Variants in ZNF799 observed in about 807,000 individuals in gnomAD.
ZNF799 encodes the protein zinc finger protein 799.
Under a neutral mutation model 41.0 loss-of-function variants are expected in ZNF799, and 28 were observed. The observed-to-expected ratio is 0.68, with a 90% confidence interval of 0.51 to 0.94. ZNF799 has a LOEUF of 0.94. ZNF799 is among the 40% of genes least tolerant of loss of function. ZNF799 has a pLI of 0.00. For missense variants in ZNF799, 716 were observed against 764.3 expected, an observed-to-expected ratio of 0.94 and a Z score of 0.74; for synonymous variants, 213 against 252.9, an observed-to-expected ratio of 0.84 and a Z score of 1.50.
At chr19:12,408,979 G>C in the ZNF799 span, among the ~76,000 whole-genome samples, 4 of 151,828 alleles carry the variant, frequency 2.6e-5, no homozygotes, top group African/African-American at 9.7e-5. Flanking sequence ...AGGTTGCAGT[G>C]AGCCGAGATC....
the ZNF799 span, among the ~76,000 whole-genome samples, chr19:12,407,400 C>T: frequency 6.6e-6 from 1 of 150,650 alleles, no homozygotes; most frequent in South Asian, 2.1e-4. Flanking sequence ...GAGATGGAGG[C>T]TGCAGTTAGC....
At chr19:12,405,294 G>C (rs1970022116), upstream of ZNF799, among the ~76,000 whole-genome samples, 1 of 151,974 alleles carries the variant, frequency 6.6e-6, no homozygotes, top group Non-Finnish European at 1.5e-5. Context: ...AATCCTGGGG[G>C]AAAAAAGTTG....
intron 1 of ZNF799, among the ~76,000 whole-genome samples, chr19:12,397,326 A>C (rs1301851627): frequency 6.6e-6 from 1 of 152,042 alleles, no homozygotes; most frequent in Non-Finnish European, 1.5e-5. Flanking sequence ...GATGCAAGAC[A>C]GGAGGACTGC....
rs186044322 is a variant in ZNF799 at position 12,399,043 on chromosome 19, A to C, written c.3+2025T>G. 1.1e-3 allele frequency among the ~76,000 whole-genome samples: 160 copies of C among 152,350 alleles called. 1 individual carries two copies. The Middle Eastern group carries it at 0.024, about 23-fold the overall frequency. On this transcript the variant is annotated intron_variant, in intron 1 of 3. Transcript: ENST00000430385. ...CCAACTTTGGGTATACTTTGTCTTC[A>C]AAGTATACAATAACAATCTCTAATC...
chr19:12,410,350 T>A, the ZNF799 span, among the ~76,000 whole-genome samples: 6 of 149,234 alleles, frequency 4.0e-5, no homozygotes, highest in East Asian at 1.2e-3. Flanking sequence ...CCCAGGCTGG[T>A]CTCAAATTCC....
intron 1 of ZNF799, among the ~76,000 whole-genome samples, chr19:12,399,479 T>C (rs1053464885): frequency 6.6e-6 from 1 of 150,464 alleles, no homozygotes; most frequent in Non-Finnish European, 1.5e-5. Context: ...GTCCCAGGAG[T>C]TAGCTTTTTA....
chr19:12,405,218 T>C (rs1156362818), upstream of ZNF799, among the ~76,000 whole-genome samples: 3 of 149,730 alleles, frequency 2.0e-5, no homozygotes, highest in Non-Finnish European at 4.4e-5. Flanking sequence ...TAAACTCCCA[T>C]TTATATATAT....
the ZNF799 span, among the ~76,000 whole-genome samples, chr19:12,406,608 T>G: frequency 1.4e-5 from 2 of 147,614 alleles, no homozygotes; most frequent in African/African-American, 5.0e-5. Flanking sequence ...TAATATTAAT[T>G]AAAAAGTAGA....
chr19:12,393,805 A>G, intron 1 of ZNF799: 1 of 1,059,958 alleles, frequency 9.4e-7, no homozygotes, highest in Non-Finnish European at 1.2e-6. Flanking sequence ...GTCCTTACAA[A>G]TGCTTTTTCA....
chr19:12,390,482 T>C lies in ZNF799; in HGVS notation c.1916A>G (p.His639Arg), dbSNP rs1181111502. ...GAGAGAATGCTAGTGAGTCTTTTTA[T>C]GTCTATGCAAGGAACTGAGAGAAGC... Reference protein sequence around the residue: ...AFASLSSLHRHKKTH With the variant: ...AFASLSSLHRRKKTH Residue 639 changes from histidine (H) to arginine (R), a missense_variant, in exon 4 of 4, where the codon CAT becomes CGT. Physicochemically the swap from His to Arg is conservative, Grantham distance 29. Transcript: ENST00000430385. The C allele has an allele frequency of 1.9e-6, 3 of 1,613,986 alleles. No individual in the cohort carries two copies. Among genetic ancestry groups the C allele is most frequent in the Non-Finnish European group, 2.5e-6 (3 of 1,179,862 alleles).
At chr19:12,398,553 G>A (rs753141047) in intron 1 of ZNF799, among the ~76,000 whole-genome samples, 2 of 152,150 alleles carry the variant, frequency 1.3e-5, no homozygotes, top group Non-Finnish European at 2.9e-5. Flanking sequence ...ATGATAGTAA[G>A]TGATACAGTT....
the ZNF799 span, among the ~76,000 whole-genome samples, chr19:12,406,914 T>A: frequency 1.1e-4 from 16 of 151,584 alleles, no homozygotes; most frequent in African/African-American, 3.9e-4. Context: ...AAAATAAAAT[T>A]AAATTAAAAA....
At position 12,396,250 on chromosome 19, in the gene ZNF799, G is replaced by A. The variant is rs1234376428; in HGVS notation, c.4-2827C>T. ...GACACTGCACTCACTGAATAAAAAC[G>A]TTAAAACAACTATCTTAAATATGTT... On this transcript the variant is annotated intron_variant, in intron 1 of 3. Coordinates refer to ENST00000430385, the MANE Select transcript of ZNF799 (RefSeq NM_001080821.3). 5.9e-5 allele frequency among the ~76,000 whole-genome samples: 9 copies of A among 152,298 alleles called. No individual in the cohort carries two copies. The East Asian group carries it at 9.7e-4, about 16-fold the overall frequency.
At chr19:12,400,976 C>T in intron 1 of ZNF799, 92 bp downstream of exon 1, 1 of 1,609,828 alleles carries the variant, frequency 6.2e-7, no homozygotes, top group Non-Finnish European at 8.5e-7. Context: ...CCCGGAGTAG[C>T]CCTTGGGGAG....
upstream of ZNF799, among the ~76,000 whole-genome samples, chr19:12,403,699 C>T (rs993288321): frequency 2.6e-5 from 4 of 152,054 alleles, no homozygotes; most frequent in African/African-American, 9.7e-5. Context: ...ATTACAGGCA[C>T]CCACCACCAT....
At position 12,391,107 on chromosome 19, in the gene ZNF799, G is replaced by A. The variant is rs768899109; in HGVS notation, c.1291C>T (p.Arg431Cys). The A allele has an allele frequency of 5.0e-5, 80 of 1,613,938 alleles. No homozygotes were observed. Among genetic ancestry groups the A allele is most frequent in the Non-Finnish European group, 6.2e-5 (73 of 1,179,992 alleles). Residue 431 changes from arginine (R) to cysteine (C), a missense_variant, in exon 4 of 4, where the codon CGT becomes TGT. Transcript: ENST00000430385. ...YKCKQCGKAY[R>C]ISSSLRRHET... ...TGCCTTCGAAGAGAACTGGAAATACGGTAGGCTTTGCCACATTGTTTACAT... is the reference window on the plus strand; with the variant it reads ...TGCCTTCGAAGAGAACTGGAAATACAGTAGGCTTTGCCACATTGTTTACAT...
At chr19:12,400,876 G>C (rs1160733783) in intron 1 of ZNF799, 192 bp downstream of exon 1, 10 of 958,694 alleles carry the variant, frequency 1.0e-5, no homozygotes, top group South Asian at 6.4e-5. Context: ...GCGCAGGAAC[G>C]GGACAGGACG....
At chr19:12,412,562 G>A in the ZNF799 span, among the ~76,000 whole-genome samples, 1 of 148,912 alleles carries the variant, frequency 6.7e-6, no homozygotes, top group Non-Finnish European at 1.5e-5. Context: ...AAAAACCCAC[G>A]AAATGTCAGC....
In ZNF799 at chr19:12,393,934, C is replaced by G. The variant is rs113392911; in HGVS notation, c.4-511G>C. On this transcript the variant is annotated intron_variant, in intron 1 of 3. Transcript: ENST00000430385. Reference sequence around the variant, plus strand: ...TTACGCAAAAAAAATACAGTATTTCCTTAACCCCATCTTCCTTCTGAGAGT... The same window carrying G: ...TTACGCAAAAAAAATACAGTATTTCGTTAACCCCATCTTCCTTCTGAGAGT... The G allele has an allele frequency of 3.3e-3, 621 of 187,004 alleles. 3 individuals are homozygous for G. Among genetic ancestry groups the G allele is most frequent in the African/African-American group, 0.014 (585 of 41,950 alleles). 11.6% of individuals were successfully genotyped at this position (187,004 alleles called of 1,614,324 possible).
Sources: gnomAD v4.1 joint callset for allele counts (sites outside exome capture counted in the v4.1 genomes callset) on GRCh38, gnomAD v4.1.1 for gene constraint, MANE v1.5 for transcripts, NCBI Gene and HGNC (gene_info 2026-07-23, HGNC 2026-07-21) for gene names.